The following CADM2 variants were observed in gnomAD, a reference collection of about 807,000 sequenced individuals.
CADM2 encodes immunoglobulin superfamily member 4D.
CADM2 carries 12 observed loss-of-function variants against 49.8 expected under a neutral mutation model. The observed-to-expected ratio is 0.24, with a 90% CI of 0.15 to 0.39. The LOEUF (loss-of-function observed/expected upper bound fraction) is 0.39. Ranked by LOEUF, CADM2 falls within the 10% of genes least tolerant of loss-of-function variation. CADM2 has a pLI of 1.00. For synonymous variants in CADM2, 214 were observed against 175.4 expected, an observed-to-expected ratio of 1.22 and a Z score of -1.74; for missense variants, 378 against 492.3, an observed-to-expected ratio of 0.77 and a Z score of 2.20.
At chr3:85,891,445 A>G (rs929852863) in intron 5 of CADM2, among the ~76,000 whole-genome samples, 2 of 152,176 alleles carry the variant, frequency 1.3e-5, no homozygotes, top group Non-Finnish European at 2.9e-5. Flanking sequence ...TTCCCCTAGC[A>G]TGTAGGAGAT....
intron 1 of CADM2, among the ~76,000 whole-genome samples, chr3:85,562,499 A>C (rs1175476215): frequency 2.6e-4 from 38 of 146,002 alleles, no homozygotes; most frequent in African/African-American, 9.0e-4. Flanking sequence ...AAAAAAAAAA[A>C]AAAAAGACCT....
chr3:85,684,885 C>G (rs779648134), intron 1 of CADM2, among the ~76,000 whole-genome samples: 2 of 152,190 alleles, frequency 1.3e-5, no homozygotes, highest in Non-Finnish European at 2.9e-5. Flanking sequence ...AGTGGGAACA[C>G]AGCCAAACCA....
rs187469437 is a variant in CADM2, at chr3:85,503,326, A to T, written c.62-223196A>T. Reference sequence around the variant, plus strand: ...GCTCAGGAAGTCAAATGCATTGACAAAACAGTTATATTGATTTTTATTCCA... The same window carrying T: ...GCTCAGGAAGTCAAATGCATTGACATAACAGTTATATTGATTTTTATTCCA... On this transcript the variant is annotated intron_variant, in intron 1 of 9. Coordinates refer to ENST00000383699, the MANE Select transcript of CADM2 (RefSeq NM_001167675.2). 4.3e-4 allele frequency among the ~76,000 whole-genome samples: 66 copies of T among 152,318 alleles called. 1 individual carries two copies. The highest frequency in any genetic ancestry group is 1.4e-3 in the African/African-American group (58 of 41,588).
At chr3:85,312,941 T>C (rs1362692773) in intron 1 of CADM2, among the ~76,000 whole-genome samples, 1 of 152,206 alleles carries the variant, frequency 6.6e-6, no homozygotes, top group Non-Finnish European at 1.5e-5. Context: ...GGAAGACTTA[T>C]GAAATAGCTT....
chr3:85,569,929 T>G (rs1449386), intron 1 of CADM2, among the ~76,000 whole-genome samples: 83,645 of 151,906 alleles, frequency 0.55, 25,481 homozygotes, highest in East Asian at 0.93. Flanking sequence ...CTGGCTGAAT[T>G]ATGTAAATTC....
intron 1 of CADM2, among the ~76,000 whole-genome samples, chr3:85,306,891 C>T (rs1274127190): frequency 6.6e-6 from 1 of 151,524 alleles, no homozygotes; most frequent in East Asian, 1.9e-4. Context: ...AATAAATATA[C>T]TTCTATATAT....
At chr3:85,971,746 A>T (rs535842440) in intron 8 of CADM2, among the ~76,000 whole-genome samples, 1 of 151,738 alleles carries the variant, frequency 6.6e-6, no homozygotes, top group South Asian at 2.1e-4. Flanking sequence ...ATTTCACTTT[A>T]CTTTTGTCAG....
chr3:85,697,193 G>A (rs888685635), intron 1 of CADM2, among the ~76,000 whole-genome samples: 2 of 151,290 alleles, frequency 1.3e-5, no homozygotes, highest in East Asian at 3.9e-4. Context: ...TGAAAACAAT[G>A]TATTTTTCTG....
intron 2 of CADM2, among the ~76,000 whole-genome samples, chr3:85,727,226 T>A (rs986171742): frequency 9.9e-5 from 15 of 152,142 alleles, no homozygotes; most frequent in African/African-American, 3.4e-4. Context: ...GTCTACATAT[T>A]TAAAAATCTT....
chr3:85,995,643 C>T (rs1042784870), intron 8 of CADM2, among the ~76,000 whole-genome samples: 1 of 152,006 alleles, frequency 6.6e-6, no homozygotes, highest in Non-Finnish European at 1.5e-5. Flanking sequence ...TATAAGAAGC[C>T]TAAAATATTA....
chr3:85,724,376 G>T (rs2067613007), intron 1 of CADM2, among the ~76,000 whole-genome samples: 1 of 151,568 alleles, frequency 6.6e-6, no homozygotes, highest in South Asian at 2.1e-4. Flanking sequence ...GAAATGTGAA[G>T]ACAACCTGGA....
intron 7 of CADM2, among the ~76,000 whole-genome samples, chr3:85,957,951 TTAAAG>T (rs774510472): frequency 8.6e-5 from 13 of 151,936 alleles, no homozygotes; most frequent in Non-Finnish European, 1.9e-4. Flanking sequence ...TGGGATCTAA[TTAAAG>T]TAAAGAGCTT....
intron 1 of CADM2, among the ~76,000 whole-genome samples, chr3:85,135,824 A>G (rs2039401275): frequency 6.6e-6 from 1 of 152,050 alleles, no homozygotes; most frequent in African/African-American, 2.4e-5. Context: ...ACAAATATCT[A>G]TTAGAGAGCC....
intron 1 of CADM2, among the ~76,000 whole-genome samples, chr3:85,106,176 T>C (rs1476319636): frequency 6.6e-6 from 1 of 152,002 alleles, no homozygotes; most frequent in Non-Finnish European, 1.5e-5. Context: ...GAAATGAAAA[T>C]GGAAGCCAAG....
intron 1 of CADM2, among the ~76,000 whole-genome samples, chr3:85,580,449 C>G (rs1409651349): frequency 6.6e-6 from 1 of 152,068 alleles, no homozygotes; most frequent in East Asian, 1.9e-4. Context: ...GGTTAAACAA[C>G]TTTCAGAATA....
chr3:85,796,975 G>C (rs779056675), intron 2 of CADM2, among the ~76,000 whole-genome samples: 1 of 151,752 alleles, frequency 6.6e-6, no homozygotes, highest in Non-Finnish European at 1.5e-5. Context: ...CGCACCTGCA[G>C]TTCCAGCTAC....
chr3:85,754,213 C>T (rs2068993345), intron 2 of CADM2, among the ~76,000 whole-genome samples: 1 of 152,192 alleles, frequency 6.6e-6, no homozygotes. Flanking sequence ...TGCCCAGGTC[C>T]TGAAATCTTA....
intron 1 of CADM2, among the ~76,000 whole-genome samples, chr3:85,590,091 C>T (rs2063062018): frequency 6.6e-6 from 1 of 151,952 alleles, no homozygotes; most frequent in Admixed American, 6.6e-5. Context: ...ATGAAGCCAT[C>T]AGCTTGCTGG....
intron 1 of CADM2, among the ~76,000 whole-genome samples, chr3:85,189,419 G>A (rs2041149176): frequency 6.6e-6 from 1 of 151,970 alleles, no homozygotes; most frequent in Non-Finnish European, 1.5e-5. Flanking sequence ...GGGATTTGAG[G>A]CAATTATGTA....
Sources: allele counts gnomAD v4.1 joint callset (sites outside exome capture counted in the v4.1 genomes callset), GRCh38; gene constraint gnomAD v4.1.1; transcripts MANE v1.5; gene names NCBI Gene and HGNC (gene_info 2026-07-23, HGNC 2026-07-21).